Variants in SRRM4 observed in about 807,000 individuals in gnomAD.
SRRM4 encodes the protein serine/arginine repetitive matrix protein 4.
In SRRM4, 33 loss-of-function variants were observed where a neutral mutation model predicts 68.9. The ratio of observed to expected loss-of-function variants is 0.48; its 90% confidence interval spans 0.36 to 0.64. The LOEUF is 0.64. Ranked by LOEUF, SRRM4 falls within the 30% of genes least tolerant of loss-of-function variation. The pLI, the probability that SRRM4 is intolerant of heterozygous loss-of-function variation, is 0.00. For synonymous variants in SRRM4, 318 were observed against 318.8 expected (o/e 1.00, Z 0.03); for missense variants, 817 against 827.1 (o/e 0.99, Z 0.15).
At chr12:119,029,578 T>A (rs908278921) in intron 1 of SRRM4, among the ~76,000 whole-genome samples, 2 of 152,220 alleles carry the variant, frequency 1.3e-5, no homozygotes, top group Non-Finnish European at 2.9e-5. Context: ...ACAGAAGTGA[T>A]CCTTGTCTTT....
intron 1 of SRRM4, among the ~76,000 whole-genome samples, chr12:119,055,443 T>G (rs1231208321): frequency 7.1e-6 from 1 of 140,054 alleles, no homozygotes; most frequent in Non-Finnish European, 1.7e-5. Context: ...TAGTTCAGGG[T>G]TTTTTTCCAA....
chr12:119,100,325 T>C (rs1439736337), intron 1 of SRRM4, among the ~76,000 whole-genome samples: 1 of 24,356 alleles, frequency 4.1e-5, no homozygotes. Context: ...ACCCTGTCTC[T>C]ACAAAAAAAA....
intron 8 of SRRM4, among the ~76,000 whole-genome samples, chr12:119,143,658 C>A (rs1004285519): frequency 6.6e-6 from 1 of 152,150 alleles, no homozygotes; most frequent in Non-Finnish European, 1.5e-5. Flanking sequence ...TCAGCCTGAA[C>A]ATCCAAGTTC....
chr12:119,020,901 T>C (rs972895886), intron 1 of SRRM4, among the ~76,000 whole-genome samples: 1 of 151,896 alleles, frequency 6.6e-6, no homozygotes, highest in Non-Finnish European at 1.5e-5. Context: ...ATAGCCCTAA[T>C]GGGTAGACAG....
intron 6 of SRRM4, 69 bp from the exon 7 acceptor site, chr12:119,125,312 A>C (rs1480342972): frequency 2.1e-6 from 3 of 1,401,242 alleles, no homozygotes; most frequent in East Asian, 4.8e-5. Context: ...CACAAGATCA[A>C]ATCTCTCACT....
intron 1 of SRRM4, among the ~76,000 whole-genome samples, chr12:119,047,077 A>G (rs982276179): frequency 6.6e-6 from 1 of 151,540 alleles, no homozygotes; most frequent in African/African-American, 2.4e-5. Context: ...ACACAGTTCA[A>G]TGTTTTATGG....
chr12:118,988,103 G>A (rs1255631168), intron 1 of SRRM4, among the ~76,000 whole-genome samples: 2 of 151,514 alleles, frequency 1.3e-5, no homozygotes, highest in Non-Finnish European at 2.9e-5. Context: ...TGATAATGTA[G>A]GGAGAAATAG....
intron 9 of SRRM4, among the ~76,000 whole-genome samples, chr12:119,145,900 G>A (rs750757677): frequency 7.9e-5 from 12 of 152,140 alleles, no homozygotes; most frequent in Non-Finnish European, 1.0e-4. Context: ...CTGGAAATCC[G>A]TCTTTCTCAT....
At chr12:119,107,329 T>G (rs1273012739) in intron 2 of SRRM4, among the ~76,000 whole-genome samples, 1 of 152,202 alleles carries the variant, frequency 6.6e-6, no homozygotes, top group Non-Finnish European at 1.5e-5. Context: ...TGATGCTGGC[T>G]TCATAAAATG....
chr12:119,094,438 G>A (rs914027722), intron 1 of SRRM4, among the ~76,000 whole-genome samples: 1 of 152,134 alleles, frequency 6.6e-6, no homozygotes, highest in Admixed American at 6.5e-5. Context: ...GCACATGAAG[G>A]CTTGAAAAGC....
chr12:119,096,177 C>A (rs1404166167), intron 1 of SRRM4, among the ~76,000 whole-genome samples: 3 of 144,124 alleles, frequency 2.1e-5, no homozygotes, highest in Non-Finnish European at 4.6e-5. Flanking sequence ...CCCGCCACCA[C>A]GCCCAGCTAA....
At chr12:119,011,132 A>G (rs1411658313) in intron 1 of SRRM4, among the ~76,000 whole-genome samples, 1 of 152,216 alleles carries the variant, frequency 6.6e-6, no homozygotes, top group Non-Finnish European at 1.5e-5. Flanking sequence ...CATATTTAAT[A>G]AAAAATGTTT....
At chr12:119,102,504 T>G in intron 2 of SRRM4, 122 bp downstream of exon 2, 1 of 750,670 alleles carries the variant, frequency 1.3e-6, no homozygotes, top group Non-Finnish European at 2.1e-6. Context: ...GGTTAGTAAA[T>G]ATTTACCGTA....
Position 119,130,954 on chromosome 12 carries a change from T to A in SRRM4, c.771+120T>A, listed in dbSNP as rs1592910655. 7.4e-6 allele frequency: 8 copies of A among 1,082,780 alleles called. No individual in the cohort carries two copies. The East Asian group carries it at 2.2e-4, about 30-fold the overall frequency. 67.1% of individuals were successfully genotyped at this position (1,082,780 alleles called of 1,614,324 possible). A position where few individuals can be genotyped will look rare whatever the true frequency, so the allele number is the denominator to read the frequency against. On this transcript the variant is annotated intron_variant, in intron 8 of 12. Transcript: ENST00000267260. ...TTCAATTTCTGACAAAATATCCCAC[T>A]GGCTCCAGACCTCATTAATGATGAA... is the stretch of plus-strand genomic sequence containing the variant.
chr12:119,156,452 C>T, intron 12 of SRRM4, 43 bp from the exon 13 acceptor site: 6 of 1,531,378 alleles, frequency 3.9e-6, no homozygotes, highest in Non-Finnish European at 5.3e-6. Context: ...CGGGGAGGCA[C>T]GGAGGGGCCG....
chr12:119,086,027 G>A (rs1391510972), intron 1 of SRRM4, among the ~76,000 whole-genome samples: 1 of 152,106 alleles, frequency 6.6e-6, no homozygotes, highest in Non-Finnish European at 1.5e-5. Context: ...GCCTCTTTAG[G>A]AAAAAGAGAT....
chr12:118,986,097 A>T (rs934953592), intron 1 of SRRM4, among the ~76,000 whole-genome samples: 9 of 152,174 alleles, frequency 5.9e-5, no homozygotes, highest in Non-Finnish European at 1.2e-4. Flanking sequence ...CATAAAGGGA[A>T]ATTGTAAGGC....
At chr12:118,995,824 C>CTA (rs1005278857) in intron 1 of SRRM4, among the ~76,000 whole-genome samples, 1 of 152,186 alleles carries the variant, frequency 6.6e-6, no homozygotes, top group African/African-American at 2.4e-5. Flanking sequence ...TACTCATCAT[C>CTA]TATTCCTGCA....
At chr12:119,031,876 G>A (rs1031800534) in intron 1 of SRRM4, among the ~76,000 whole-genome samples, 1 of 151,320 alleles carries the variant, frequency 6.6e-6, no homozygotes, top group African/African-American at 2.4e-5. Context: ...TATTTTTTCT[G>A]ATTTTACCAT....
Sources: gnomAD v4.1 joint callset for allele counts (sites outside exome capture counted in the v4.1 genomes callset) on GRCh38, gnomAD v4.1.1 for gene constraint, MANE v1.5 for transcripts, NCBI Gene and HGNC (gene_info 2026-07-23, HGNC 2026-07-21) for gene names.